The following PXDNL variants were observed in gnomAD, a reference collection of about 807,000 sequenced individuals.
PXDNL encodes the protein peroxidasin like, also known as probable oxidoreductase PXDNL.
PXDNL carries 145 observed loss-of-function variants against 150.8 expected under a neutral mutation model. The observed-to-expected ratio is 0.96, with a 90% CI of 0.84 to 1.10. The LOEUF (loss-of-function observed/expected upper bound fraction) is 1.10. Ranked by LOEUF, PXDNL falls within the 50% of genes least tolerant of loss-of-function variation. PXDNL has a pLI of 0.00. For missense variants in PXDNL, 2,087 were observed against 1,873.9 expected, an observed-to-expected ratio of 1.11 and a Z score of -2.10; for synonymous variants, 757 against 725.7, an observed-to-expected ratio of 1.04 and a Z score of -0.69.
At chr8:51,581,114 G>A (rs2130626067) in intron 3 of PXDNL, among the ~76,000 whole-genome samples, 1 of 152,190 alleles carries the variant, frequency 6.6e-6, no homozygotes, top group Non-Finnish European at 1.5e-5. Context: ...AGGAAGGAGT[G>A]AGAAAAACGT....
chr8:51,780,930 G>C (rs761876046), intron 1 of PXDNL, among the ~76,000 whole-genome samples: 1 of 150,212 alleles, frequency 6.7e-6, no homozygotes, highest in Non-Finnish European at 1.5e-5. Context: ...AGGGTGCTGG[G>C]ATTACAGGTG....
intron 19 of PXDNL, among the ~76,000 whole-genome samples, chr8:51,356,627 A>T (rs1466087579): frequency 1.3e-5 from 2 of 152,034 alleles, no homozygotes; most frequent in African/African-American, 4.8e-5. Context: ...AAATTTGAAA[A>T]TTTTTGCTTT....
intron 1 of PXDNL, among the ~76,000 whole-genome samples, chr8:51,722,927 C>G (rs1465470313): frequency 2.0e-5 from 3 of 151,846 alleles, no homozygotes; most frequent in Non-Finnish European, 4.4e-5. Context: ...CAGGGAACTT[C>G]TTTTTTCTAT....
chr8:51,395,901 A>C (rs1808067125), intron 17 of PXDNL, among the ~76,000 whole-genome samples: 1 of 152,176 alleles, frequency 6.6e-6, no homozygotes, highest in African/African-American at 2.4e-5. Flanking sequence ...CTGCCAGCAG[A>C]ACTCCACTGA....
intron 1 of PXDNL, among the ~76,000 whole-genome samples, chr8:51,733,738 G>T (rs4242470): frequency 0.53 from 80,090 of 150,256 alleles, 26,108 homozygotes; most frequent in Non-Finnish European, 0.71. Flanking sequence ...AACCCAGGAG[G>T]TGGAGGTTAC....
intron 10 of PXDNL, among the ~76,000 whole-genome samples, chr8:51,452,935 A>AACACATACATACACACAC (rs60146365): frequency 7.0e-6 from 1 of 142,566 alleles, no homozygotes; most frequent in Admixed American, 6.8e-5. Context: ...CACACACACA[A>AACACATACATACACACAC]ACACACACAC....
intron 21 of PXDNL, among the ~76,000 whole-genome samples, chr8:51,324,686 C>G (rs1805430651): frequency 6.6e-6 from 1 of 152,176 alleles, no homozygotes; most frequent in Non-Finnish European, 1.5e-5. Context: ...TTCACTGATT[C>G]TTTCCCCTCT....
At chr8:51,734,215 C>CA (rs1156321697) in intron 1 of PXDNL, among the ~76,000 whole-genome samples, 6 of 151,796 alleles carry the variant, frequency 4.0e-5, no homozygotes, top group Middle Eastern at 3.4e-3. Flanking sequence ...TTTTTATTTT[C>CA]AAAAAAGAGT....
intron 5 of PXDNL, among the ~76,000 whole-genome samples, chr8:51,489,506 T>C (rs1385590900): frequency 1.3e-5 from 2 of 152,092 alleles, no homozygotes; most frequent in Non-Finnish European, 2.9e-5. Context: ...TTTGTAGAGA[T>C]TGGGTTTTGC....
intron 4 of PXDNL, among the ~76,000 whole-genome samples, chr8:51,526,447 G>A (rs958718981): frequency 5.9e-5 from 9 of 152,106 alleles, no homozygotes; most frequent in African/African-American, 2.2e-4. Context: ...TTATGTGACA[G>A]ATGGTAGCTG....
At chr8:51,547,544 G>C (rs1812388787) in intron 4 of PXDNL, among the ~76,000 whole-genome samples, 1 of 152,120 alleles carries the variant, frequency 6.6e-6, no homozygotes, top group African/African-American at 2.4e-5. Context: ...TCCAGCACCA[G>C]CCTACAGCCC....
chr8:51,448,257 G>C (rs567812464), intron 11 of PXDNL, among the ~76,000 whole-genome samples: 46 of 152,300 alleles, frequency 3.0e-4, no homozygotes, highest in African/African-American at 1.0e-3. Context: ...TGGGGCATAG[G>C]GGGTTAGATC....
intron 12 of PXDNL, among the ~76,000 whole-genome samples, chr8:51,443,762 T>A (rs1022158946): frequency 1.3e-5 from 2 of 152,256 alleles, no homozygotes; most frequent in African/African-American, 4.8e-5. Flanking sequence ...TTGGTTGAAG[T>A]CTATGAATAA....
chr8:51,515,484 C>T (rs1284904347), intron 4 of PXDNL, among the ~76,000 whole-genome samples: 1 of 152,172 alleles, frequency 6.6e-6, no homozygotes, highest in Non-Finnish European at 1.5e-5. Context: ...AACATGTACC[C>T]AAGCGCACTG....
rs533394627 is a variant in PXDNL, at chr8:51,677,395, T to C, written c.165-22635A>G. Among the ~76,000 whole-genome samples the C allele has an allele frequency of 8.1e-4, 123 of 152,336 alleles. 1 individual carries two copies. In the South Asian group the frequency reaches 0.025, roughly 31 times the overall value. ...TACTCCGTTCAGGAGAAGATAAATG[T>C]TTCAAATGTTTGATGAGGATTTAGA... On this transcript the variant is annotated intron_variant, in intron 1 of 22. Transcript: ENST00000356297.
At chr8:51,630,771 T>A (rs1322504647) in intron 2 of PXDNL, among the ~76,000 whole-genome samples, 1 of 150,194 alleles carries the variant, frequency 6.7e-6, no homozygotes, top group Non-Finnish European at 1.5e-5. Context: ...TATCTAAGAG[T>A]CAAAAATAAC....
At chr8:51,635,897 C>T (rs796540919) in intron 2 of PXDNL, among the ~76,000 whole-genome samples, 1 of 152,034 alleles carries the variant, frequency 6.6e-6, no homozygotes, top group African/African-American at 2.4e-5. Context: ...CAAGACACCA[C>T]AAGAGAAGAA....
intron 12 of PXDNL, among the ~76,000 whole-genome samples, chr8:51,433,203 T>C (rs1809299197): frequency 7.3e-6 from 1 of 137,014 alleles, no homozygotes; most frequent in South Asian, 2.3e-4. Context: ...AGTAAGACTC[T>C]ATCTCAAATA....
intron 1 of PXDNL, among the ~76,000 whole-genome samples, chr8:51,785,385 G>A (rs773453593): frequency 5.3e-5 from 8 of 152,148 alleles, no homozygotes; most frequent in African/African-American, 1.9e-4. Flanking sequence ...AGTAATACAT[G>A]TACAGGCAGA....
Sources: gnomAD v4.1 joint callset for allele counts (sites outside exome capture counted in the v4.1 genomes callset) on GRCh38, gnomAD v4.1.1 for gene constraint, MANE v1.5 for transcripts, NCBI Gene and HGNC (gene_info 2026-07-23, HGNC 2026-07-21) for gene names.